Variants in NAALADL2 observed in about 807,000 individuals in gnomAD.
NAALADL2 encodes inactive N-acetylated-alpha-linked acidic dipeptidase-like protein 2.
NAALADL2 carries 76 observed loss-of-function variants against 87.2 expected under a neutral mutation model. That is an observed-to-expected ratio of 0.87 (90% confidence interval 0.72 to 1.05). NAALADL2 has a LOEUF of 1.05. Ranked by LOEUF, NAALADL2 falls within the 50% of genes least tolerant of loss-of-function variation. The pLI is 0.00. For synonymous variants in NAALADL2, 354 were observed against 331.0 expected (o/e 1.07, Z -0.75); for missense variants, 1,089 against 945.8 (o/e 1.15, Z -1.99).
chr3:175,749,448 G>C (rs1746354216), intron 12 of NAALADL2, among the ~76,000 whole-genome samples: 1 of 152,148 alleles, frequency 6.6e-6, no homozygotes, highest in South Asian at 2.1e-4. Context: ...AGATCAAGGA[G>C]CTGGCAGGTT....
chr3:175,563,388 C>T (rs953867109), intron 9 of NAALADL2, among the ~76,000 whole-genome samples: 1 of 151,382 alleles, frequency 6.6e-6, no homozygotes, highest in African/African-American at 2.4e-5. Flanking sequence ...TTTTGCCCAG[C>T]AAGAAATTAA....
At chr3:175,450,211 C>T (rs1209392065) in intron 6 of NAALADL2, among the ~76,000 whole-genome samples, 1 of 151,854 alleles carries the variant, frequency 6.6e-6, no homozygotes, top group African/African-American at 2.4e-5. Flanking sequence ...CTATAAAATG[C>T]ATTAATTATT....
intron 11 of NAALADL2, among the ~76,000 whole-genome samples, chr3:175,670,101 T>C (rs1257879693): frequency 2.0e-5 from 3 of 151,984 alleles, no homozygotes; most frequent in Non-Finnish European, 4.4e-5. Context: ...GTGAGATCTA[T>C]TATTATTATC....
chr3:175,008,738 G>C (rs1462179232), intron 1 of NAALADL2, among the ~76,000 whole-genome samples: 2 of 152,128 alleles, frequency 1.3e-5, no homozygotes, highest in Non-Finnish European at 1.5e-5. Context: ...GGGTAAGGCA[G>C]GTTATAGGGT....
At chr3:175,018,067 G>T (rs1219475541) in intron 1 of NAALADL2, among the ~76,000 whole-genome samples, 1 of 152,016 alleles carries the variant, frequency 6.6e-6, no homozygotes, top group East Asian at 1.9e-4. Context: ...TTTTGGATAA[G>T]AGGTCTCCAT....
At chr3:174,443,380 G>A (rs1714807579) in intron 1 of NAALADL2, among the ~76,000 whole-genome samples, 1 of 152,180 alleles carries the variant, frequency 6.6e-6, no homozygotes, top group Admixed American at 6.5e-5. Flanking sequence ...TGGAATGTGA[G>A]AGCAAAAGAA....
At chr3:175,706,423 C>A (rs1273269104) in intron 11 of NAALADL2, among the ~76,000 whole-genome samples, 2 of 152,076 alleles carry the variant, frequency 1.3e-5, no homozygotes, top group East Asian at 3.9e-4. Flanking sequence ...TAGAGCAATT[C>A]TAACAATAAT....
At chr3:175,752,994 A>G (rs370099011) in intron 12 of NAALADL2, among the ~76,000 whole-genome samples, 1 of 152,170 alleles carries the variant, frequency 6.6e-6, no homozygotes, top group African/African-American at 2.4e-5. Flanking sequence ...AATTTAGGAC[A>G]AACTATTTTC....
chr3:174,626,131 A>G (rs1200886893), intron 2 of NAALADL2, among the ~76,000 whole-genome samples: 1 of 148,140 alleles, frequency 6.8e-6, no homozygotes, highest in African/African-American at 2.5e-5. Context: ...AATGGGTATC[A>G]TGCACTGCAT....
intron 2 of NAALADL2, among the ~76,000 whole-genome samples, chr3:174,654,971 T>G (rs926867583): frequency 3.9e-5 from 6 of 152,074 alleles, no homozygotes; most frequent in Non-Finnish European, 7.4e-5. Context: ...TCCTGACCTC[T>G]TGATCTGCCC....
intron 3 of NAALADL2, among the ~76,000 whole-genome samples, chr3:174,771,623 GT>G (rs988708290): frequency 3.9e-5 from 6 of 152,134 alleles, no homozygotes; most frequent in Non-Finnish European, 1.5e-5. Flanking sequence ...GGATTTCTGT[GT>G]TTTGCTAAAA....
intron 2 of NAALADL2, chr3:175,124,424 A>G (rs1173451078): frequency 2.6e-5 from 4 of 151,956 alleles, no homozygotes; most frequent in African/African-American, 4.8e-5. Flanking sequence ...CCTCAGGGTC[A>G]TTAGAAAGCC....
chr3:174,701,274 C>A (rs1235474170), intron 2 of NAALADL2, among the ~76,000 whole-genome samples: 1 of 151,202 alleles, frequency 6.6e-6, no homozygotes, highest in Non-Finnish European at 1.5e-5. Flanking sequence ...CAAATTATAT[C>A]TCATATGAAC....
chr3:174,580,124 G>T (rs577175763), intron 2 of NAALADL2, among the ~76,000 whole-genome samples: 1 of 151,972 alleles, frequency 6.6e-6, no homozygotes, highest in Non-Finnish European at 1.5e-5. Flanking sequence ...AAGGAAAAAT[G>T]TGTAAGGATA....
chr3:174,749,031 C>A (rs867879482), intron 3 of NAALADL2, among the ~76,000 whole-genome samples: 1 of 151,998 alleles, frequency 6.6e-6, no homozygotes, highest in African/African-American at 2.4e-5. Context: ...TAATAAACAA[C>A]CTTTGGCTAA....
rs186721168 is a variant in NAALADL2 at position 174,812,534 on chromosome 3, G to A, written c.-9+74788G>A. Reference sequence around the variant, plus strand: ...CTATACTTTTTATTTTTATTGTAGCGTATACTTCTTCTACTTATAAAAAAT... The same window carrying A: ...CTATACTTTTTATTTTTATTGTAGCATATACTTCTTCTACTTATAAAAAAT... On this transcript the variant is annotated intron_variant, in intron 3 of 3. Coordinates refer to the NAALADL2 transcript ENST00000434257. Among the ~76,000 whole-genome samples the A allele has an allele frequency of 2.7e-3, 407 of 152,060 alleles. 3 individuals are homozygous for A. Among genetic ancestry groups the A allele is most frequent in the Non-Finnish European group, 4.2e-3 (284 of 67,996 alleles).
At chr3:174,895,246 G>T (rs1343895938) in intron 1 of NAALADL2, among the ~76,000 whole-genome samples, 2 of 151,926 alleles carry the variant, frequency 1.3e-5, no homozygotes, top group Non-Finnish European at 2.9e-5. Flanking sequence ...CAAAGAGTTG[G>T]TTTTTTGAAA....
chr3:175,770,837 C>T (rs565452495), intron 13 of NAALADL2, among the ~76,000 whole-genome samples: 3 of 152,248 alleles, frequency 2.0e-5, no homozygotes, highest in Admixed American at 1.3e-4. Flanking sequence ...GTAATATAGG[C>T]ACCAAATGTT....
intron 2 of NAALADL2, among the ~76,000 whole-genome samples, chr3:175,167,174 C>G (rs1734124954): frequency 6.6e-6 from 1 of 151,966 alleles, no homozygotes; most frequent in Admixed American, 6.6e-5. Flanking sequence ...CTATTGCAAC[C>G]ACTCAATTCA....
Sources: gnomAD v4.1 joint callset for allele counts (sites outside exome capture counted in the v4.1 genomes callset) on GRCh38, gnomAD v4.1.1 for gene constraint, MANE v1.5 for transcripts, NCBI Gene and HGNC (gene_info 2026-07-23, HGNC 2026-07-21) for gene names.